The following KDELR3 variants were observed in gnomAD, a reference collection of about 807,000 sequenced individuals.
KDELR3 encodes ER lumen protein-retaining receptor 3.
In KDELR3, 26 loss-of-function variants were observed where a neutral mutation model predicts 22.7. The observed-to-expected ratio is 1.15, with a 90% CI of 0.84 to 1.59. The LOEUF (loss-of-function observed/expected upper bound fraction) is 1.59. Ranked by LOEUF, KDELR3 falls within the 40% of genes most tolerant of loss-of-function variation. The pLI, the probability that KDELR3 is intolerant of heterozygous loss-of-function variation, is 0.00. For synonymous variants in KDELR3, 120 were observed against 98.2 expected, an observed-to-expected ratio of 1.22 and a Z score of -1.31; for missense variants, 289 against 251.1, an observed-to-expected ratio of 1.15 and a Z score of -1.02.
chr22:38,479,921 T>G (rs2089587676), intron 3 of KDELR3, among the ~76,000 whole-genome samples, 170 bp downstream of exon 3: 1 of 152,240 alleles, frequency 6.6e-6, no homozygotes, highest in Non-Finnish European at 1.5e-5. Context: ...TAGTTGGAAA[T>G]GAGCACATCT....
intron 2 of KDELR3, 59 bp from the exon 3 acceptor site, chr22:38,479,534 G>C (rs1001984096): frequency 7.3e-6 from 11 of 1,516,452 alleles, no homozygotes; most frequent in Non-Finnish European, 1.0e-5. Flanking sequence ...TAGGAGCGTA[G>C]TAAATAGGCC....
intron 3 of KDELR3, 91 bp from the exon 4 acceptor site, chr22:38,481,121 C>T (rs1056474151): frequency 1.4e-5 from 17 of 1,181,018 alleles, no homozygotes; most frequent in Non-Finnish European, 2.0e-5. Context: ...TGTACCTTCT[C>T]CAGCAAGCTA....
intron 3 of KDELR3, 43 bp downstream of exon 3, chr22:38,479,794 C>T: frequency 6.3e-7 from 1 of 1,582,098 alleles, no homozygotes; most frequent in South Asian, 1.1e-5. Context: ...GGGAAATATG[C>T]TCCCTGCATC....
At chr22:38,476,103 T>C (rs1452367303) in intron 2 of KDELR3, among the ~76,000 whole-genome samples, 1 of 152,046 alleles carries the variant, frequency 6.6e-6, no homozygotes, top group African/African-American at 2.4e-5. Context: ...CTAATTTTTT[T>C]GTATTTTTAA....
At chr22:38,481,044 C>T (rs1037713405) in intron 3 of KDELR3, among the ~76,000 whole-genome samples, 168 bp from the exon 4 acceptor site, 2 of 151,990 alleles carry the variant, frequency 1.3e-5, no homozygotes, top group African/African-American at 4.8e-5. Context: ...CTTATATTTA[C>T]CTAGAGATGG....
chr22:38,470,871 C>T (rs1479023152), intron 1 of KDELR3, among the ~76,000 whole-genome samples: 1 of 152,176 alleles, frequency 6.6e-6, no homozygotes, highest in Non-Finnish European at 1.5e-5. Flanking sequence ...GGGCTGGGCA[C>T]AGTGGCTCAC....
rs866042278 is a variant in KDELR3, at chr22:38,481,222, C to CT, written c.365dup (p.Ser123LeufsTer23). 1 of 1,613,504 alleles carries CT rather than the reference C, an allele frequency of 6.2e-7. No individual in the cohort carries two copies. On this transcript the variant is annotated frameshift_variant, in exon 4 of 5. Transcript: ENST00000216014. LOFTEE classifies it high-confidence loss of function. ...TTCTCTTTGGCTCAGATCCTCTGGA[C>CT]TTTCTCTATCTATCTGGAATCAGTG... is the stretch of plus-strand genomic sequence containing the variant.
chr22:38,472,407 G>A (rs2089530752), intron 1 of KDELR3, among the ~76,000 whole-genome samples: 1 of 151,930 alleles, frequency 6.6e-6, no homozygotes, highest in South Asian at 2.1e-4. Flanking sequence ...AACCCGGGAG[G>A]CAGACGTTGC....
In KDELR3 at chr22:38,481,385, C is replaced by T; in HGVS notation, c.525C>T (p.Phe175=). The T allele has an allele frequency of 6.2e-7, 1 of 1,614,226 alleles. No homozygotes were observed. Among genetic ancestry groups the T allele is most frequent in the African/African-American group, 1.3e-5 (1 of 75,066 alleles). The change falls in exon 4 of 5, where the codon TTC becomes TTT. Residue 175 remains phenylalanine, a synonymous_variant. Coordinates refer to ENST00000216014, the MANE Select transcript of KDELR3 (RefSeq NM_006855.4). ...NWIRRYQTEN[F]YDQIAVVSGV... is the part of the protein sequence containing the mutation. Reference sequence around the variant, plus strand: ...TCAGGCGGTACCAGACTGAGAATTTCTATGACCAAATTGCAGTCGTGTCTG... The same window carrying T: ...TCAGGCGGTACCAGACTGAGAATTTTTATGACCAAATTGCAGTCGTGTCTG...
intron 2 of KDELR3, among the ~76,000 whole-genome samples, chr22:38,478,763 C>T (rs2145968830): frequency 6.7e-6 from 1 of 148,226 alleles, no homozygotes; most frequent in South Asian, 2.2e-4. Context: ...CTGCCTCAGC[C>T]TCCCAGGTAG....
At chr22:38,468,510 C>T (rs1013907425) in intron 1 of KDELR3, among the ~76,000 whole-genome samples, 186 bp downstream of exon 1, 4 of 152,150 alleles carry the variant, frequency 2.6e-5, no homozygotes, top group African/African-American at 7.2e-5. Flanking sequence ...GAGGAGGACC[C>T]CTCGAGATGA....
intron 2 of KDELR3, among the ~76,000 whole-genome samples, chr22:38,475,995 C>G (rs117978113): frequency 1.3e-5 from 2 of 152,220 alleles, no homozygotes; most frequent in African/African-American, 4.8e-5. Context: ...TGCAGTGGTG[C>G]GATCATGGCT....
At position 38,482,522 on chromosome 22, in the gene KDELR3, C is replaced by G. The variant is rs142970052; in HGVS notation, c.631C>G (p.Pro211Ala). 3.3e-5 allele frequency: 54 copies of G among 1,612,762 alleles called. No individual in the cohort carries two copies. Among genetic ancestry groups the G allele is most frequent in the Non-Finnish European group, 3.5e-5 (41 of 1,178,830 alleles). Residue 211 changes from proline to alanine, a missense_variant, in exon 5 of 5, where the codon CCA (proline) becomes GCA (alanine). Coordinates refer to ENST00000216014, the MANE Select transcript of KDELR3 (RefSeq NM_006855.4). ...CCTTAAGGGAAAGAAGTTAAGTCTT[C>G]CAATGCCAATCTGAGGACCTTCAGA... is the stretch of plus-strand genomic sequence containing the variant. The part of the protein sequence containing the change: ...KVLKGKKLSL[P>A]MPI
At position 38,481,728 on chromosome 22, in the gene KDELR3, C is replaced by CTTA; in HGVS notation, c.604+268_604+270dup. 5 of 1,165,722 alleles carry CTTA rather than the reference C, an allele frequency of 4.3e-6. No homozygotes were observed. In the South Asian group the frequency reaches 6.7e-5, roughly 16 times the overall value. 72.2% of individuals were successfully genotyped at this position (1,165,722 alleles called of 1,614,324 possible). On this transcript the variant is annotated intron_variant, in intron 4 of 4. Coordinates refer to ENST00000216014, the MANE Select transcript of KDELR3 (RefSeq NM_006855.4). The stretch of plus-strand genomic sequence containing the variant: ...GTTAGTAGTGAAAAACATTCCAGAA[C>CTTA]TTATTACAAGCCCCAAGGCAACCAC...
rs754478616 is a variant in KDELR3, at chr22:38,479,577, C to T, written c.193-16C>T. ...GACTTCATAGATTCGATTCCCATGT[C>T]TCTCTCCCCTTTTAGGTGGTTTTTC... On this transcript the variant is annotated splice_polypyrimidine_tract_variant and intron_variant, in intron 2 of 4. Transcript: ENST00000216014. 1.2e-6 allele frequency: 2 copies of T among 1,607,818 alleles called. No individual in the cohort carries two copies. The highest frequency in any genetic ancestry group is 2.2e-5 in the South Asian group (2 of 90,976).
At position 38,483,341 on chromosome 22, in the gene KDELR3, G is replaced by C. The variant is rs940627786; in HGVS notation, c.*805G>C. ...TCAGTTTTAGGTGCGAAAGTAATCAGTCAATCCAATATCCCCCATCTTTGT... is the reference window on the plus strand; with the variant it reads ...TCAGTTTTAGGTGCGAAAGTAATCACTCAATCCAATATCCCCCATCTTTGT... On this transcript the variant is annotated 3_prime_UTR_variant, in exon 5 of 5. Transcript: ENST00000216014. The C allele has an allele frequency of 2.0e-5, 3 of 152,142 alleles. No homozygotes were observed. The highest frequency in any genetic ancestry group is 7.2e-5 in the African/African-American group (3 of 41,426). The allele number at this position is 152,142 out of a possible 1,614,324, so 9.4% of individuals were successfully genotyped here.
chr22:38,482,092 T>G (rs1332526951), intron 4 of KDELR3, among the ~76,000 whole-genome samples: 4 of 152,218 alleles, frequency 2.6e-5, no homozygotes, highest in South Asian at 4.1e-4. Flanking sequence ...TATTGGGTCA[T>G]TAAAAAACCC....
At chr22:38,478,629 A>AGTTTTTTTT (rs2089576691) in intron 2 of KDELR3, among the ~76,000 whole-genome samples, 1 of 43,562 alleles carries the variant, frequency 2.3e-5, no homozygotes, top group East Asian at 8.2e-4. Context: ...AGCATCTGTG[A>AGTTTTTTTT]TTTTTTTTTT....
In KDELR3 at chr22:38,473,490, C is replaced by T. The variant is rs542578028; in HGVS notation, c.92-1033C>T. ...AGAAACATCATGGAGAGTATGAACC[C>T]TTTTTTGTCAACTCAGTGCATCCAT... On this transcript the variant is annotated intron_variant, in intron 1 of 4. Transcript: ENST00000216014. 2.6e-5 allele frequency among the ~76,000 whole-genome samples: 4 copies of T among 152,082 alleles called. No individual in the cohort carries two copies. The South Asian group carries it at 8.3e-4, about 32-fold the overall frequency.
Sources: allele counts gnomAD v4.1 joint callset (sites outside exome capture counted in the v4.1 genomes callset), GRCh38; gene constraint gnomAD v4.1.1; transcripts MANE v1.5; gene names NCBI Gene and HGNC (gene_info 2026-07-23, HGNC 2026-07-21).